The following AUTS2 variants were observed in gnomAD, a reference collection of about 807,000 sequenced individuals.
AUTS2 encodes the protein activator of transcription and developmental regulator AUTS2.
In AUTS2, 17 loss-of-function variants were observed where a neutral mutation model predicts 112.4. That is an observed-to-expected ratio of 0.15 (90% CI 0.10 to 0.23). The LOEUF is 0.23. Ranked by LOEUF, AUTS2 falls within the 10% of genes least tolerant of loss-of-function variation. The pLI, the probability that AUTS2 is intolerant of heterozygous loss-of-function variation, is 1.00. For missense variants in AUTS2, 1,510 were observed against 1,701.6 expected (o/e 0.89, Z 1.98); for synonymous variants, 751 against 702.7 (o/e 1.07, Z -1.09).
chr7:70,039,684 A>G lies in AUTS2; in HGVS notation c.523-78448A>G, dbSNP rs532528373. ...CGCTTGGGCCATGGTTCTTAATAGT[A>G]AAATTATTTAACGAGATTTTTCCCA... On this transcript the variant is annotated intron_variant, in intron 2 of 18. Transcript: ENST00000342771. Among the ~76,000 whole-genome samples the G allele has an allele frequency of 3.0e-4, 46 of 152,266 alleles. No individual in the cohort carries two copies. The South Asian group carries it at 9.3e-3, about 31-fold the overall frequency.
chr7:69,822,167 A>G (rs1336846644), intron 1 of AUTS2, among the ~76,000 whole-genome samples: 1 of 152,200 alleles, frequency 6.6e-6, no homozygotes, highest in Non-Finnish European at 1.5e-5. Context: ...CAATAGAGTC[A>G]TATTAGTTAA....
chr7:70,515,471 C>G (rs1354627746), intron 5 of AUTS2, among the ~76,000 whole-genome samples: 2 of 152,154 alleles, frequency 1.3e-5, no homozygotes, highest in African/African-American at 2.4e-5. Context: ...TATTGATTCA[C>G]AGAGTTCCTT....
At chr7:70,047,931 T>G (rs917332504) in intron 2 of AUTS2, among the ~76,000 whole-genome samples, 2 of 152,108 alleles carry the variant, frequency 1.3e-5, no homozygotes, top group Non-Finnish European at 2.9e-5. Context: ...AGGGGAGCTC[T>G]TAGACTTCAA....
intron 5 of AUTS2, among the ~76,000 whole-genome samples, chr7:70,662,290 G>A (rs1807117828): frequency 6.6e-6 from 1 of 152,210 alleles, no homozygotes; most frequent in South Asian, 2.1e-4. Context: ...CTCGTAAGAC[G>A]GGCTTTATCC....
intron 4 of AUTS2, among the ~76,000 whole-genome samples, chr7:70,390,311 G>A (rs528020623): frequency 6.6e-6 from 1 of 152,204 alleles, no homozygotes; most frequent in Non-Finnish European, 1.5e-5. Context: ...GATGTGGGTT[G>A]AGGCCCGGGA....
chr7:70,044,591 G>GATTAT (rs1302315448), intron 2 of AUTS2, among the ~76,000 whole-genome samples: 3 of 152,136 alleles, frequency 2.0e-5, no homozygotes, highest in Non-Finnish European at 4.4e-5. Flanking sequence ...ACATTTTCAA[G>GATTAT]ATTATAGGGT....
At chr7:69,671,668 G>T (rs1422732387) in intron 1 of AUTS2, among the ~76,000 whole-genome samples, 1 of 152,016 alleles carries the variant, frequency 6.6e-6, no homozygotes, top group African/African-American at 2.4e-5. Context: ...TATGGCTATT[G>T]AATAAAATAT....
intron 5 of AUTS2, among the ~76,000 whole-genome samples, chr7:70,495,578 CATCA>C (rs1166602025): frequency 2.0e-5 from 3 of 151,608 alleles, no homozygotes; most frequent in Admixed American, 6.6e-5. Context: ...GTCACATCAG[CATCA>C]ATCACACACC....
At chr7:69,997,213 T>C (rs569138136) in intron 2 of AUTS2, among the ~76,000 whole-genome samples, 1 of 152,330 alleles carries the variant, frequency 6.6e-6, no homozygotes, top group South Asian at 2.1e-4. Flanking sequence ...TGAGAAATTA[T>C]AGAGGCTTGG....
At chr7:70,177,414 A>C (rs1809048892) in intron 4 of AUTS2, among the ~76,000 whole-genome samples, 3 of 152,244 alleles carry the variant, frequency 2.0e-5, no homozygotes, top group Admixed American at 1.3e-4. Flanking sequence ...ATGATACCTC[A>C]GAGATGAATG....
chr7:70,587,600 C>T (rs1403130311), intron 5 of AUTS2, among the ~76,000 whole-genome samples: 1 of 152,164 alleles, frequency 6.6e-6, no homozygotes, highest in East Asian at 1.9e-4. Flanking sequence ...GCAATAATAA[C>T]CTTTACTCAG....
At position 70,423,703 on chromosome 7, in the gene AUTS2, G is replaced by T. The variant is rs917509088; in HGVS notation, c.661-12049G>T. 9.9e-5 allele frequency among the ~76,000 whole-genome samples: 15 copies of T among 152,114 alleles called. No homozygotes were observed. The South Asian group carries it at 2.5e-3, about 25-fold the overall frequency. ...AGCTCTAAGGTGTCTTTCCTTTTTGGTTTTTTATCAGTGAAATAAAACTAT... is the reference window on the plus strand; with the variant it reads ...AGCTCTAAGGTGTCTTTCCTTTTTGTTTTTTTATCAGTGAAATAAAACTAT... On this transcript the variant is annotated intron_variant, in intron 4 of 18. Coordinates refer to ENST00000342771, the MANE Select transcript of AUTS2 (RefSeq NM_015570.4).
chr7:69,843,320 G>A (rs1301801788), intron 1 of AUTS2, among the ~76,000 whole-genome samples: 2 of 152,138 alleles, frequency 1.3e-5, no homozygotes, highest in African/African-American at 4.8e-5. Flanking sequence ...TAGTGGAGGG[G>A]CATTCATGTT....
At chr7:69,791,464 G>A (rs1789604344) in intron 1 of AUTS2, among the ~76,000 whole-genome samples, 2 of 152,210 alleles carry the variant, frequency 1.3e-5, no homozygotes, top group Admixed American at 1.3e-4. Flanking sequence ...TTAGTTAGGT[G>A]TTTGAGATTT....
chr7:69,624,199 G>A (rs2129094896), intron 1 of AUTS2, among the ~76,000 whole-genome samples: 1 of 152,278 alleles, frequency 6.6e-6, no homozygotes, highest in East Asian at 1.9e-4. Flanking sequence ...TCTCATGATA[G>A]TTTTGAAAAT....
At chr7:70,017,540 C>T (rs1274447223) in intron 2 of AUTS2, among the ~76,000 whole-genome samples, 2 of 152,200 alleles carry the variant, frequency 1.3e-5, no homozygotes, top group Non-Finnish European at 2.9e-5. Flanking sequence ...GTGACTTGTG[C>T]AAACAAGAAT....
intron 1 of AUTS2, among the ~76,000 whole-genome samples, chr7:69,697,267 A>C (rs1045612310): frequency 6.6e-6 from 1 of 152,250 alleles, no homozygotes; most frequent in Non-Finnish European, 1.5e-5. Flanking sequence ...TGCCAAGGGC[A>C]AATGAACTGA....
intron 1 of AUTS2, among the ~76,000 whole-genome samples, chr7:69,831,635 T>C (rs1791505798): frequency 6.6e-6 from 1 of 152,098 alleles, no homozygotes; most frequent in Non-Finnish European, 1.5e-5. Context: ...TTTTTTTTTT[T>C]TTTTAATCAT....
At position 70,552,864 on chromosome 7, in the gene AUTS2, CAT is replaced by C. The variant is rs766478807; in HGVS notation, c.690+117084_690+117085del. ...ACCCCCATGGTACTCATAATGGAAA[CAT>C]GTGAATTTTCCAGCACAAACACTTT... is the stretch of plus-strand genomic sequence containing the variant. On this transcript the variant is annotated intron_variant, in intron 5 of 18. Transcript: ENST00000342771. Among the ~76,000 whole-genome samples, 112 of 152,182 alleles carry C rather than the reference CAT, an allele frequency of 7.4e-4. 1 individual carries two copies. The highest frequency in any genetic ancestry group is 7.5e-4 in the Non-Finnish European group (51 of 68,032).
Sources: gnomAD v4.1 joint callset for allele counts (sites outside exome capture counted in the v4.1 genomes callset) on GRCh38, gnomAD v4.1.1 for gene constraint, MANE v1.5 for transcripts, NCBI Gene and HGNC (gene_info 2026-07-23, HGNC 2026-07-21) for gene names.